Variants in TRPM8 observed in about 807,000 individuals in gnomAD.
TRPM8 encodes TRPM8 cationic channel.
A neutral mutation model predicts 133.7 loss-of-function variants in TRPM8; 110 were observed. The observed-to-expected ratio is 0.82, with a 90% CI of 0.70 to 0.96. The LOEUF is 0.96. TRPM8 is among the 40% of genes least tolerant of loss of function. The pLI is 0.00. For missense variants in TRPM8, 1,291 were observed against 1,379.5 expected, an observed-to-expected ratio of 0.94 and a Z score of 1.02; for synonymous variants, 535 against 532.3, an observed-to-expected ratio of 1.01 and a Z score of -0.07.
At chr2:233,966,860 T>A in intron 15 of TRPM8, 105 bp downstream of exon 15, 1 of 1,361,284 alleles carries the variant, frequency 7.3e-7, no homozygotes, top group Non-Finnish European at 9.7e-7. Context: ...TATTCTCCAA[T>A]ATAAAAGCCA....
At chr2:233,971,266 G>A (rs1437356968) in intron 17 of TRPM8, among the ~76,000 whole-genome samples, 1 of 152,174 alleles carries the variant, frequency 6.6e-6, no homozygotes, top group East Asian at 1.9e-4. Context: ...TGCTGTTCTT[G>A]CCCTTACAGA....
intron 5 of TRPM8, among the ~76,000 whole-genome samples, chr2:233,941,593 G>A (rs1690905479): frequency 6.6e-6 from 1 of 152,174 alleles, no homozygotes; most frequent in South Asian, 2.1e-4. Flanking sequence ...TCTCTTACAA[G>A]AGCTAATCCA....
intron 15 of TRPM8, among the ~76,000 whole-genome samples, chr2:233,969,267 C>T (rs1373480067): frequency 2.0e-5 from 3 of 151,528 alleles, no homozygotes; most frequent in South Asian, 2.1e-4. Flanking sequence ...CACCTGAGGT[C>T]GGGAGTTTGT....
intron 22 of TRPM8, among the ~76,000 whole-genome samples, chr2:234,000,802 C>G (rs1458735301): frequency 1.3e-5 from 2 of 152,042 alleles, no homozygotes; most frequent in African/African-American, 4.8e-5. Context: ...CCTCAGGATC[C>G]CGAGTAGCTG....
chr2:233,924,019 A>G (rs1314105017), intron 1 of TRPM8, among the ~76,000 whole-genome samples: 1 of 149,818 alleles, frequency 6.7e-6, no homozygotes, highest in Non-Finnish European at 1.5e-5. Flanking sequence ...AACTCTAATA[A>G]AAACAACTAC....
intron 25 of TRPM8, among the ~76,000 whole-genome samples, 174 bp from the exon 26 acceptor site, chr2:234,017,125 G>GA (rs1179162737): frequency 1.3e-5 from 2 of 149,020 alleles, no homozygotes; most frequent in East Asian, 1.9e-4. Flanking sequence ...ATCTTTAAGA[G>GA]AAAAAAACAT....
chr2:233,991,551 C>A (rs139317046), intron 21 of TRPM8, among the ~76,000 whole-genome samples: 2 of 152,312 alleles, frequency 1.3e-5, no homozygotes, highest in South Asian at 2.1e-4. Context: ...ATGAAATCTA[C>A]GCAAAGTTTG....
intron 18 of TRPM8, 99 bp downstream of exon 18, chr2:233,980,378 C>A: frequency 2.7e-6 from 2 of 745,424 alleles, no homozygotes; most frequent in South Asian, 4.1e-5. Flanking sequence ...GTCTATTACT[C>A]ATTAGAGATT....
At chr2:233,962,150 A>T (rs1691454792) in intron 12 of TRPM8, among the ~76,000 whole-genome samples, 1 of 152,190 alleles carries the variant, frequency 6.6e-6, no homozygotes, top group African/African-American at 2.4e-5. Context: ...ATAAATCTGG[A>T]TATTCACTTG....
chr2:233,982,587 A>G (rs997204923), intron 19 of TRPM8, among the ~76,000 whole-genome samples: 1 of 152,200 alleles, frequency 6.6e-6, no homozygotes, highest in Non-Finnish European at 1.5e-5. Flanking sequence ...AAGTCATGCT[A>G]TGTGTGCACA....
At chr2:233,980,427 C>T (rs1226213561) in intron 18 of TRPM8, 148 bp downstream of exon 18, 7 of 537,160 alleles carry the variant, frequency 1.3e-5, no homozygotes, top group Non-Finnish European at 2.2e-5. Flanking sequence ...TAGAGATACA[C>T]CTTGGTTGTC....
At chr2:234,004,196 C>A (rs971976902) in intron 22 of TRPM8, among the ~76,000 whole-genome samples, 1 of 152,184 alleles carries the variant, frequency 6.6e-6, no homozygotes, top group Non-Finnish European at 1.5e-5. Context: ...TAACTGTTGA[C>A]ATGATCCCTC....
Position 233,949,954 on chromosome 2 carries a change from C to T in TRPM8, c.948C>T (p.Ile316=). Residue 316 remains isoleucine (I), a synonymous_variant, in exon 9 of 26, where the codon ATC becomes ATT. Transcript: ENST00000324695. ...ACTCTGTCTCCTTCCTCCAGGCCAT[C>T]AATACCTCCATCAAAAATAAAATTC... ...QGGGKETLKA[I]NTSIKNKIPC... 1.2e-6 allele frequency: 2 copies of T among 1,614,062 alleles called. No individual in the cohort carries two copies. The highest frequency in any genetic ancestry group is 1.7e-6 in the Non-Finnish European group (2 of 1,180,000).
rs768820317 is a variant in TRPM8 at position 233,985,842 on chromosome 2, C to A, written c.2916C>A (p.Val972=). 8.7e-6 allele frequency: 14 copies of A among 1,613,980 alleles called. No homozygotes were observed. The highest frequency in any genetic ancestry group is 1.2e-5 in the Non-Finnish European group (14 of 1,179,950). The change falls in exon 21 of 26, where the codon GTC becomes GTA. Residue 972 remains valine, a synonymous_variant. Transcript: ENST00000324695. The part of the protein sequence containing the change: ...IYMLSTNILL[V]NLLVAMFGYT... ...TGTTATCCACCAACATCCTGCTGGT[C>A]AACCTGCTGGTCGCCATGTTTGGGT... is the stretch of plus-strand genomic sequence containing the variant.
chr2:233,998,860 G>A (rs185772016), intron 22 of TRPM8, among the ~76,000 whole-genome samples: 9 of 152,218 alleles, frequency 5.9e-5, no homozygotes, highest in African/African-American at 1.4e-4. Flanking sequence ...TGTAACATGG[G>A]CATTTTTGCC....
At chr2:234,007,447 TG>T (rs1268185742) in intron 23 of TRPM8, among the ~76,000 whole-genome samples, 1 of 152,258 alleles carries the variant, frequency 6.6e-6, no homozygotes, top group Non-Finnish European at 1.5e-5. Context: ...CGCATGAAGC[TG>T]TTATAAAATC....
intron 22 of TRPM8, among the ~76,000 whole-genome samples, chr2:234,005,967 C>CACACAG (rs1045698162): frequency 1.1e-4 from 17 of 150,896 alleles, no homozygotes; most frequent in Middle Eastern, 6.9e-3. Flanking sequence ...CACACACACA[C>CACACAG]AGAATTTGCT....
At chr2:233,947,617 A>T in intron 8 of TRPM8, 2 of 1,289,598 alleles carry the variant, frequency 1.6e-6, no homozygotes, top group Non-Finnish European at 2.0e-6. Flanking sequence ...ACCCTAAGTG[A>T]TTCTGAGATC....
chr2:233,955,791 C>T (rs902420044), intron 11 of TRPM8, among the ~76,000 whole-genome samples: 1 of 152,166 alleles, frequency 6.6e-6, no homozygotes, highest in Non-Finnish European at 1.5e-5. Flanking sequence ...TTAGGAACAA[C>T]AGGAAGTGAG....
Sources: allele counts gnomAD v4.1 joint callset (sites outside exome capture counted in the v4.1 genomes callset), GRCh38; gene constraint gnomAD v4.1.1; transcripts MANE v1.5; gene names NCBI Gene and HGNC (gene_info 2026-07-23, HGNC 2026-07-21).